Variants in MBNL2 observed in about 807,000 individuals in gnomAD.
MBNL2 encodes muscleblind like splicing regulator 2, also known as muscleblind-like protein 2.
Under a neutral mutation model 41.9 loss-of-function variants are expected in MBNL2, and 17 were observed. The observed-to-expected ratio is 0.41, with a 90% CI of 0.28 to 0.61. MBNL2 has a LOEUF of 0.61. MBNL2 is among the 20% of genes least tolerant of loss of function. The pLI is 0.35. For synonymous variants in MBNL2, 195 were observed against 182.9 expected, an observed-to-expected ratio of 1.07 and a Z score of -0.53; for missense variants, 336 against 505.6, an observed-to-expected ratio of 0.66 and a Z score of 3.22.
rs1290348857 is a variant in MBNL2 at position 97,392,455 on chromosome 13, G to A, written c.*1006G>A. ...TTGCATTTCAAAAGTTGGATTAAAGGGTTGTAACTGACTACAGCATGGAAA... is the reference window on the plus strand; with the variant it reads ...TTGCATTTCAAAAGTTGGATTAAAGAGTTGTAACTGACTACAGCATGGAAA... On this transcript the variant is annotated 3_prime_UTR_variant, in exon 9 of 9. Coordinates refer to ENST00000679496, the MANE Select transcript of MBNL2 (RefSeq NM_001382683.1). 6.6e-6 allele frequency: 1 copy of A among 152,374 alleles called. No homozygotes were observed. The highest frequency in any genetic ancestry group is 1.5e-5 in the Non-Finnish European group (1 of 67,958). 9.4% of individuals were successfully genotyped at this position (152,374 alleles called of 1,614,324 possible). A position where few individuals can be genotyped will look rare whatever the true frequency, so the allele number is the denominator to read the frequency against.
At chr13:97,389,041 G>T (rs999723612) in intron 8 of MBNL2, among the ~76,000 whole-genome samples, 3 of 152,212 alleles carry the variant, frequency 2.0e-5, no homozygotes, top group African/African-American at 7.2e-5. Flanking sequence ...AGTCACAGCT[G>T]AGAGTTCAAT....
At chr13:97,382,953 CCTT>C (rs1350177049) in intron 8 of MBNL2, among the ~76,000 whole-genome samples, 2 of 152,280 alleles carry the variant, frequency 1.3e-5, no homozygotes, top group East Asian at 3.9e-4. Context: ...TAACTCCCCT[CCTT>C]CTGAATAAAT....
chr13:97,264,903 T>G (rs887636673), intron 1 of MBNL2, among the ~76,000 whole-genome samples: 6 of 152,270 alleles, frequency 3.9e-5, no homozygotes, highest in Admixed American at 2.0e-4. Flanking sequence ...TCTGTCTGGC[T>G]ACAGCCATTG....
the MBNL2 span, among the ~76,000 whole-genome samples, chr13:97,187,062 T>C: frequency 2.6e-5 from 4 of 152,234 alleles, no homozygotes; most frequent in African/African-American, 9.6e-5. Flanking sequence ...CTGTGCATTC[T>C]GTCCTATGGG....
In MBNL2 at chr13:97,373,476, A is replaced by AC. The variant is rs573465969; in HGVS notation, c.1048+8305_1048+8306insC. On this transcript the variant is annotated intron_variant, in intron 8 of 8. Transcript: ENST00000679496. ...ACAATTTCTTTGTGTAAAAAAAAAAAAACTATAAAAATTGCAGCATTTGCA... is the reference window on the plus strand; with the variant it reads ...ACAATTTCTTTGTGTAAAAAAAAAAACAACTATAAAAATTGCAGCATTTGCA... Among the ~76,000 whole-genome samples the AC allele has an allele frequency of 3.7e-3, 567 of 152,042 alleles. 3 individuals are homozygous for AC. Among genetic ancestry groups the AC allele is most frequent in the African/African-American group, 0.013 (541 of 41,478 alleles).
chr13:97,339,380 G>A (rs371070936), intron 3 of MBNL2, among the ~76,000 whole-genome samples: 99 of 152,178 alleles, frequency 6.5e-4, no homozygotes, highest in African/African-American at 2.2e-3. Flanking sequence ...AGGTGGAGTA[G>A]AGAACAGGGG....
chr13:97,221,443 C>T (rs1464695625), upstream of MBNL2: 3 of 152,110 alleles, frequency 2.0e-5, no homozygotes, highest in African/African-American at 7.2e-5. Flanking sequence ...TCAGGAAACT[C>T]CAGCACCTCC....
At chr13:97,236,850 G>A (rs986463811) in intron 1 of MBNL2, among the ~76,000 whole-genome samples, 1 of 152,082 alleles carries the variant, frequency 6.6e-6, no homozygotes, top group African/African-American at 2.4e-5. Context: ...CAGTTACTTT[G>A]TCATTATATA....
At chr13:97,190,968 G>C in the MBNL2 span, among the ~76,000 whole-genome samples, 2 of 151,866 alleles carry the variant, frequency 1.3e-5, 1 homozygote, top group African/African-American at 4.8e-5. Flanking sequence ...GTTTTAATGA[G>C]AGATGAGCAT....
intron 4 of MBNL2, among the ~76,000 whole-genome samples, chr13:97,344,800 G>A (rs1410852077): frequency 6.6e-6 from 1 of 152,156 alleles, no homozygotes; most frequent in East Asian, 1.9e-4. Context: ...GTGGAATTGG[G>A]AACAAATTGT....
upstream of MBNL2, among the ~76,000 whole-genome samples, chr13:97,217,280 A>G (rs1340930043): frequency 6.6e-6 from 1 of 152,078 alleles, no homozygotes; most frequent in Non-Finnish European, 1.5e-5. Flanking sequence ...CCATTCAACA[A>G]CTATTCAGAA....
chr13:97,182,453 C>A, the MBNL2 span, among the ~76,000 whole-genome samples: 1 of 152,130 alleles, frequency 6.6e-6, no homozygotes, highest in Non-Finnish European at 1.5e-5. Flanking sequence ...TTTCCTCTAC[C>A]TTCCTCCACT....
chr13:97,209,235 C>T, the MBNL2 span, among the ~76,000 whole-genome samples: 2 of 152,246 alleles, frequency 1.3e-5, no homozygotes, highest in African/African-American at 4.8e-5. Flanking sequence ...AGAGAACCCA[C>T]CAAAATTTGC....
At chr13:97,165,701 C>T in the MBNL2 span, among the ~76,000 whole-genome samples, 1 of 152,250 alleles carries the variant, frequency 6.6e-6, no homozygotes, top group Non-Finnish European at 1.5e-5. Flanking sequence ...GACTCCCTAA[C>T]ATCCAGGACA....
intron 1 of MBNL2, among the ~76,000 whole-genome samples, chr13:97,257,379 TATTA>T (rs570401808): frequency 6.2e-4 from 94 of 152,158 alleles, no homozygotes; most frequent in Admixed American, 1.1e-3. Flanking sequence ...TAGGCCAGGT[TATTA>T]ATTTTCCTAC....
intron 8 of MBNL2, among the ~76,000 whole-genome samples, 177 bp downstream of exon 8, chr13:97,365,348 G>A (rs539456047): frequency 7.2e-5 from 11 of 152,102 alleles, no homozygotes; most frequent in African/African-American, 2.2e-4. Context: ...AGAAAATGAC[G>A]GTTTTAATGT....
intron 2 of MBNL2, among the ~76,000 whole-genome samples, chr13:97,277,676 C>T (rs1318117768): frequency 2.0e-5 from 3 of 152,210 alleles, no homozygotes. Context: ...TCTGACCCAA[C>T]AAAAGTCTTT....
intron 3 of MBNL2, among the ~76,000 whole-genome samples, chr13:97,338,529 CT>C (rs1037344775): frequency 3.3e-5 from 5 of 152,164 alleles, no homozygotes; most frequent in African/African-American, 9.7e-5. Context: ...CCTGACAACC[CT>C]TCTGTCTCAA....
intron 2 of MBNL2, among the ~76,000 whole-genome samples, chr13:97,312,164 A>C (rs563469982): frequency 2.6e-5 from 4 of 152,358 alleles, no homozygotes; most frequent in Admixed American, 2.6e-4. Flanking sequence ...TGCACATGTC[A>C]ACAGTTGCTC....
Sources: gnomAD v4.1 joint callset for allele counts (sites outside exome capture counted in the v4.1 genomes callset) on GRCh38, gnomAD v4.1.1 for gene constraint, MANE v1.5 for transcripts, NCBI Gene and HGNC (gene_info 2026-07-23, HGNC 2026-07-21) for gene names.